Variants in RABGEF1 observed in about 807,000 individuals in gnomAD.
RABGEF1 encodes the protein RAB guanine nucleotide exchange factor 1.
RABGEF1 carries 26 observed loss-of-function variants against 57.3 expected under a neutral mutation model. The ratio of observed to expected loss-of-function variants is 0.45; its 90% confidence interval spans 0.33 to 0.63. The LOEUF (loss-of-function observed/expected upper bound fraction) is 0.63, where lower values mean the gene tolerates loss of function less well. Among genes scored for constraint, RABGEF1 ranks in the 20% least tolerant of loss-of-function variants. RABGEF1 has a pLI of 0.02. For missense variants in RABGEF1, 464 were observed against 607.6 expected, an observed-to-expected ratio of 0.76 and a Z score of 2.48; for synonymous variants, 185 against 210.7, an observed-to-expected ratio of 0.88 and a Z score of 1.06.
At chr7:66,750,974 C>T (rs1801265738) in intron 1 of RABGEF1, among the ~76,000 whole-genome samples, 1 of 152,062 alleles carries the variant, frequency 6.6e-6, no homozygotes, top group Non-Finnish European at 1.5e-5. Flanking sequence ...TTCAGTTTGA[C>T]ACAAATTCCA....
intron 1 of RABGEF1, among the ~76,000 whole-genome samples, chr7:66,747,086 G>T (rs1362761675): frequency 6.6e-6 from 1 of 152,108 alleles, no homozygotes; most frequent in African/African-American, 2.4e-5. Context: ...GAGCTACCGT[G>T]CCCGGCCCTA....
intron 4 of RABGEF1, among the ~76,000 whole-genome samples, chr7:66,784,070 A>G (rs1810584251): frequency 6.6e-6 from 1 of 152,180 alleles, no homozygotes; most frequent in Non-Finnish European, 1.5e-5. Flanking sequence ...GGAAATTCTG[A>G]CCTGAAGCCA....
In RABGEF1 at chr7:66,809,065, G is replaced by A. The variant is rs1201526840; in HGVS notation, c.1257G>A (p.Gln419=). 6.2e-7 allele frequency: 1 copy of A among 1,614,158 alleles called. No homozygotes were observed. Among genetic ancestry groups the A allele is most frequent in the Non-Finnish European group, 8.5e-7 (1 of 1,180,044 alleles). ...ATAAGAACTTGGATCTCTTGTCTCA[G>A]TTGAATGAACGACAAGAAAGGATCA... The part of the protein sequence containing the change: ...QMYKNLDLLS[Q]LNERQERIMN... Residue 419 remains glutamine (Q), a synonymous_variant, in exon 9 of 9, where the codon CAG becomes CAA. Coordinates refer to ENST00000284957, the MANE Select transcript of RABGEF1 (RefSeq NM_014504.3).
Position 66,771,923 on chromosome 7 carries a change from A to G in RABGEF1, c.24A>G (p.Arg8=). 1 of 1,559,594 alleles carries G rather than the reference A, an allele frequency of 6.4e-7. No homozygotes were observed. The highest frequency in any genetic ancestry group is 8.7e-7 in the Non-Finnish European group (1 of 1,152,434). Residue 8 remains arginine (R), a synonymous_variant, in exon 2 of 9, where the codon CGA becomes CGG. Coordinates refer to ENST00000284957, the MANE Select transcript of RABGEF1 (RefSeq NM_014504.3). Reference sequence around the variant, plus strand: ...AGATGAGCCTTAAGTCTGAACGCCGAGGAATTCATGTGGATCAATCGGATC... The same window carrying G: ...AGATGAGCCTTAAGTCTGAACGCCGGGGAATTCATGTGGATCAATCGGATC... MSLKSER[R]GIHVDQSDLL... is the part of the protein sequence containing the mutation.
At chr7:66,783,886 G>T in intron 4 of RABGEF1, 45 bp downstream of exon 4, 1 of 1,561,956 alleles carries the variant, frequency 6.4e-7, no homozygotes, top group Non-Finnish European at 8.7e-7. Context: ...TTTGGTTTGA[G>T]GAAAGGTCTT....
intron 3 of RABGEF1, among the ~76,000 whole-genome samples, chr7:66,783,149 C>T (rs914602384): frequency 6.6e-6 from 1 of 152,198 alleles, no homozygotes; most frequent in African/African-American, 2.4e-5. Flanking sequence ...TCACTTTGAT[C>T]AGTATGACTC....
Position 66,714,662 on chromosome 7 carries a change from G to A in RABGEF1, c.-815+2438G>A, listed in dbSNP as rs536016420. On this transcript the variant is annotated intron_variant and NMD_transcript_variant, in intron 2 of 9. Coordinates refer to the RABGEF1 transcript ENST00000607882. ...TTAAAACAGAAATTTAGGGCCAGGCGCAGTGGCTCATGCCTGTAATCCCAG... is the reference window on the plus strand; with the variant it reads ...TTAAAACAGAAATTTAGGGCCAGGCACAGTGGCTCATGCCTGTAATCCCAG... Among the ~76,000 whole-genome samples the A allele has an allele frequency of 3.9e-5, 6 of 152,278 alleles. No homozygotes were observed. In the South Asian group the frequency reaches 6.2e-4, roughly 16 times the overall value.
intron 7 of RABGEF1, among the ~76,000 whole-genome samples, chr7:66,800,608 A>G (rs1253282048): frequency 2.0e-5 from 3 of 152,182 alleles, no homozygotes; most frequent in Admixed American, 1.3e-4. Context: ...GGGGAACCCC[A>G]TAAGAGGTTG....
rs183982330 is a variant in RABGEF1 at position 66,773,541 on chromosome 7, T to C, written c.179+1463T>C. ...GGACCTTACCCACAGAGTCTCTGATTTTAGTGGCTTGGGAGTAAGACTAGA... is the reference window on the plus strand; with the variant it reads ...GGACCTTACCCACAGAGTCTCTGATCTTAGTGGCTTGGGAGTAAGACTAGA... On this transcript the variant is annotated intron_variant, in intron 2 of 8. Transcript: ENST00000284957. 4.7e-5 allele frequency: 18 copies of C among 381,626 alleles called. No individual in the cohort carries two copies. The Admixed American group carries it at 5.0e-4, about 11-fold the overall frequency. 23.6% of individuals were successfully genotyped at this position (381,626 alleles called of 1,614,324 possible).
chr7:66,787,904 T>G lies in RABGEF1; in HGVS notation c.513+4063T>G, dbSNP rs531801536. On this transcript the variant is annotated intron_variant, in intron 4 of 8. Coordinates refer to ENST00000284957, the MANE Select transcript of RABGEF1 (RefSeq NM_014504.3). ...GTAAATAACTTTTTTCTGTAAATTA[T>G]TTATATGAAAACGCTCACTGTAAGA... 7.4e-4 allele frequency among the ~76,000 whole-genome samples: 113 copies of G among 152,354 alleles called. 2 individuals carry two copies. In the South Asian group the frequency reaches 0.022, roughly 30 times the overall value.
the RABGEF1 span, among the ~76,000 whole-genome samples, chr7:66,661,318 T>G: frequency 2.9e-4 from 16 of 54,274 alleles, no homozygotes; most frequent in African/African-American, 4.9e-4. Flanking sequence ...AAAAAAAAAA[T>G]GAGGGCGTTA....
intron 2 of RABGEF1, among the ~76,000 whole-genome samples, chr7:66,712,944 A>G (rs1044757101): frequency 2.6e-5 from 4 of 151,298 alleles, no homozygotes; most frequent in African/African-American, 7.3e-5. Flanking sequence ...CCTCCCAAAT[A>G]GCTGGGACTA....
chr7:66,678,158 C>T (rs891343321), upstream of RABGEF1, among the ~76,000 whole-genome samples: 4 of 152,148 alleles, frequency 2.6e-5, no homozygotes, highest in African/African-American at 4.8e-5. Context: ...AGGTATGGCC[C>T]TTGCATTCTC....
chr7:66,675,255 C>T, the RABGEF1 span, among the ~76,000 whole-genome samples: 1 of 152,094 alleles, frequency 6.6e-6, no homozygotes, highest in African/African-American at 2.4e-5. Flanking sequence ...GATGGTGAAA[C>T]TCTGTCTCTG....
chr7:66,696,020 CAG>C (rs1438616359), intron 1 of RABGEF1, among the ~76,000 whole-genome samples: 1 of 151,100 alleles, frequency 6.6e-6, no homozygotes, highest in African/African-American at 2.4e-5. Context: ...TGGGGAGAGA[CAG>C]AGCTGGGTGG....
intron 2 of RABGEF1, among the ~76,000 whole-genome samples, chr7:66,730,645 G>A (rs76692853): frequency 0.037 from 5,520 of 148,530 alleles, 156 homozygotes; most frequent in East Asian, 0.086. Flanking sequence ...TGCAATGTCC[G>A]CCTCCCAGTT....
At chr7:66,687,805 G>T (rs934821379) in intron 1 of RABGEF1, among the ~76,000 whole-genome samples, 1 of 152,080 alleles carries the variant, frequency 6.6e-6, no homozygotes, top group African/African-American at 2.4e-5. Flanking sequence ...ACCAAATGAG[G>T]CCAGGCTTAG....
chr7:66,774,208 T>C (rs1244108501), intron 2 of RABGEF1, among the ~76,000 whole-genome samples: 3 of 152,206 alleles, frequency 2.0e-5, no homozygotes, highest in Admixed American at 1.3e-4. Context: ...GAAAAGTCTT[T>C]TGAATTTTAC....
chr7:66,805,806 AC>A (rs1788300940), intron 8 of RABGEF1, among the ~76,000 whole-genome samples: 2 of 152,074 alleles, frequency 1.3e-5, no homozygotes, highest in South Asian at 4.2e-4. Flanking sequence ...GTGCAGTGGT[AC>A]AATCATAGCT....
Sources: allele counts gnomAD v4.1 joint callset (sites outside exome capture counted in the v4.1 genomes callset), GRCh38; gene constraint gnomAD v4.1.1; transcripts MANE v1.5; gene names NCBI Gene and HGNC (gene_info 2026-07-23, HGNC 2026-07-21).